DNM3: variants seen among roughly 807,000 people sequenced by gnomAD.
The protein encoded by DNM3 is dynamin-3.
In DNM3, 47 loss-of-function variants were observed where a neutral mutation model predicts 101.6. That is an observed-to-expected ratio of 0.46 (90% CI 0.37 to 0.59). The LOEUF (loss-of-function observed/expected upper bound fraction) is 0.59. DNM3 is among the 20% of genes least tolerant of loss of function. The pLI, the probability that DNM3 is intolerant of heterozygous loss-of-function variation, is 0.00. For missense variants in DNM3, 849 were observed against 1,085.7 expected, an observed-to-expected ratio of 0.78 and a Z score of 3.06; for synonymous variants, 385 against 387.9, an observed-to-expected ratio of 0.99 and a Z score of 0.09.
chr1:171,949,617 T>G (rs560236327), intron 2 of DNM3, among the ~76,000 whole-genome samples: 49 of 151,900 alleles, frequency 3.2e-4, no homozygotes, highest in African/African-American at 1.1e-3. Flanking sequence ...GGTCTTGCCA[T>G]GTTGCCAGGG....
chr1:172,094,624 A>G (rs1360663853), intron 13 of DNM3, among the ~76,000 whole-genome samples: 1 of 152,208 alleles, frequency 6.6e-6, no homozygotes, highest in Non-Finnish European at 1.5e-5. Context: ...GAAATGATAT[A>G]CATAATGAGG....
At chr1:172,400,518 A>C (rs1368223856) in intron 20 of DNM3, among the ~76,000 whole-genome samples, 10 of 151,928 alleles carry the variant, frequency 6.6e-5, no homozygotes, top group Admixed American at 6.6e-4. Flanking sequence ...TCACTTGTAA[A>C]TCTCTGTAAA....
intron 1 of DNM3, among the ~76,000 whole-genome samples, chr1:171,844,836 C>T (rs1432984745): frequency 6.6e-6 from 1 of 152,120 alleles, no homozygotes; most frequent in Non-Finnish European, 1.5e-5. Flanking sequence ...GATTTGTATA[C>T]AGAAGAATTG....
chr1:172,009,227 A>T (rs566668279), intron 4 of DNM3, among the ~76,000 whole-genome samples: 1 of 146,612 alleles, frequency 6.8e-6, no homozygotes, highest in South Asian at 2.1e-4. Context: ...ATTTTGTTTC[A>T]TTGGTGTCTG....
chr1:172,059,826 G>A (rs1339605391), intron 10 of DNM3, among the ~76,000 whole-genome samples: 2 of 137,240 alleles, frequency 1.5e-5, no homozygotes, highest in South Asian at 2.5e-4. Flanking sequence ...ATTCAACATA[G>A]TGTTGGAAGT....
chr1:172,309,202 C>T (rs1261422194), intron 16 of DNM3: 3 of 186,246 alleles, frequency 1.6e-5, no homozygotes, highest in African/African-American at 7.0e-5. Context: ...AATCATAACA[C>T]CAGCATTTTG....
intron 13 of DNM3, among the ~76,000 whole-genome samples, chr1:172,117,454 TAGTG>T (rs1320971842): frequency 1.3e-5 from 2 of 152,160 alleles, no homozygotes; most frequent in African/African-American, 4.8e-5. Context: ...ATTCTCATGA[TAGTG>T]AGTAAGTCTC....
intron 13 of DNM3, among the ~76,000 whole-genome samples, chr1:172,126,784 C>T (rs2056647011): frequency 1.3e-5 from 2 of 151,918 alleles, no homozygotes; most frequent in Admixed American, 6.6e-5. Context: ...TCTCCAGTGG[C>T]ACCTCCTGAC....
chr1:172,078,951 T>A (rs777609571), intron 11 of DNM3, among the ~76,000 whole-genome samples: 1 of 152,222 alleles, frequency 6.6e-6, no homozygotes, highest in Non-Finnish European at 1.5e-5. Flanking sequence ...TGGCTCTCAC[T>A]CTCTTCTGGC....
intron 14 of DNM3, among the ~76,000 whole-genome samples, chr1:172,245,404 C>T (rs1222507246): frequency 3.9e-5 from 6 of 152,102 alleles, no homozygotes; most frequent in Admixed American, 2.0e-4. Context: ...ACAGGGTATC[C>T]GACCAGGGTG....
At chr1:172,315,888 C>T (rs559434598) in intron 16 of DNM3, among the ~76,000 whole-genome samples, 41 of 152,098 alleles carry the variant, frequency 2.7e-4, no homozygotes, top group Admixed American at 5.9e-4. Flanking sequence ...ATACAGAGAA[C>T]GCCACAAAGA....
chr1:171,990,981 A>T (rs1028495944), intron 4 of DNM3, among the ~76,000 whole-genome samples: 1 of 152,070 alleles, frequency 6.6e-6, no homozygotes, highest in Non-Finnish European at 1.5e-5. Context: ...CTTCTTTCCC[A>T]TAGGAGATTG....
At chr1:172,114,730 A>G (rs1411694766) in intron 13 of DNM3, among the ~76,000 whole-genome samples, 1 of 152,146 alleles carries the variant, frequency 6.6e-6, no homozygotes, top group African/African-American at 2.4e-5. Flanking sequence ...GGATGGGAAG[A>G]TTGAGGCTCC....
At chr1:172,253,162 G>A (rs1265445887) in intron 14 of DNM3, among the ~76,000 whole-genome samples, 1 of 152,184 alleles carries the variant, frequency 6.6e-6, no homozygotes, top group Non-Finnish European at 1.5e-5. Flanking sequence ...GAACATTTTT[G>A]TTAAATATTA....
At chr1:172,300,979 A>G (rs1465043868) in intron 15 of DNM3, among the ~76,000 whole-genome samples, 3 of 152,216 alleles carry the variant, frequency 2.0e-5, no homozygotes, top group African/African-American at 7.2e-5. Context: ...GCAATACTCA[A>G]GAGCAGAAGT....
At chr1:172,244,820 G>A (rs925848812) in intron 14 of DNM3, among the ~76,000 whole-genome samples, 2 of 152,098 alleles carry the variant, frequency 1.3e-5, no homozygotes, top group Non-Finnish European at 2.9e-5. Context: ...ATCTAGAACT[G>A]GAAATACCAT....
intron 1 of DNM3, among the ~76,000 whole-genome samples, chr1:171,870,477 A>AAAAC (rs545572521): frequency 1.4e-4 from 22 of 152,132 alleles, no homozygotes; most frequent in South Asian, 6.2e-4. Context: ...AAACAAAACA[A>AAAAC]AAACAAACAA....
At chr1:172,328,627 G>A (rs1011152558) in intron 17 of DNM3, among the ~76,000 whole-genome samples, 8 of 152,068 alleles carry the variant, frequency 5.3e-5, no homozygotes, top group Admixed American at 1.3e-4. Flanking sequence ...AAGAGACACC[G>A]GGGCCTACTT....
chr1:172,215,702 C>T (rs754993955), intron 14 of DNM3, among the ~76,000 whole-genome samples: 18 of 151,826 alleles, frequency 1.2e-4, no homozygotes, highest in South Asian at 2.1e-4. Context: ...TGTACATATT[C>T]GTTGGACTCA....
Sources: allele counts gnomAD v4.1 joint callset (sites outside exome capture counted in the v4.1 genomes callset), GRCh38; gene constraint gnomAD v4.1.1; transcripts MANE v1.5; gene names NCBI Gene and HGNC (gene_info 2026-07-23, HGNC 2026-07-21).